The following COL24A1 variants were observed in gnomAD, a reference collection of about 807,000 sequenced individuals.
The protein encoded by COL24A1 is collagen type XXIV alpha 1 chain.
In COL24A1, 224 loss-of-function variants were observed where a neutral mutation model predicts 253.9. The observed-to-expected ratio is 0.88, with a 90% CI of 0.79 to 0.99. The LOEUF (loss-of-function observed/expected upper bound fraction) is 0.99. Among genes scored for constraint, COL24A1 ranks in the 50% least tolerant of loss-of-function variants. The pLI, the probability that COL24A1 is intolerant of heterozygous loss-of-function variation, is 0.00. For synonymous variants in COL24A1, 685 were observed against 673.7 expected (o/e 1.02, Z -0.26); for missense variants, 2,131 against 2,068.5 (o/e 1.03, Z -0.59).
chr1:85,978,645 T>C (rs1571450457), intron 20 of COL24A1, among the ~76,000 whole-genome samples: 1 of 152,180 alleles, frequency 6.6e-6, no homozygotes, highest in East Asian at 1.9e-4. Flanking sequence ...AATGTCACAA[T>C]CCTCAATATA....
Position 85,847,730 on chromosome 1 carries a change from T to C in COL24A1, c.3397A>G (p.Arg1133Gly), listed in dbSNP as rs1377768913. 1.1e-5 allele frequency: 17 copies of C among 1,613,806 alleles called. No homozygotes were observed. The highest frequency in any genetic ancestry group is 1.4e-5 in the Non-Finnish European group (17 of 1,179,860). ...TTCCCAATTTTTCCAGGAGGACCTC[T>C]GCTTCCAACTTCTCCTGTGGGTCCT... Reference protein sequence around the residue: ...QIGPTGEVGSRGPPGKIGKSG... With the variant: ...QIGPTGEVGSGGPPGKIGKSG... The change falls in exon 39 of 60, where the codon AGA (arginine) becomes GGA (glycine). Residue 1133 changes from arginine to glycine, a missense_variant. Transcript: ENST00000370571.
chr1:86,129,449 ATTTT>A (rs950808410), intron 2 of COL24A1, among the ~76,000 whole-genome samples: 2 of 147,358 alleles, frequency 1.4e-5, no homozygotes, highest in African/African-American at 5.0e-5. Flanking sequence ...ATCTCTTCCC[ATTTT>A]TTTTTGTTTT....
Position 85,841,174 on chromosome 1 carries a change from A to G in COL24A1, c.3627+48T>C, listed in dbSNP as rs1676571009. On this transcript the variant is annotated intron_variant, in intron 42 of 59. Coordinates refer to ENST00000370571, the MANE Select transcript of COL24A1 (RefSeq NM_152890.7). The stretch of plus-strand genomic sequence containing the variant: ...ATTGGTGTTGTGAATCTATTATATA[A>G]TTGTGTTTTATCTTGAATAACCAGA... The G allele has an allele frequency of 2.3e-6, 3 of 1,285,722 alleles. No individual in the cohort carries two copies. The South Asian group carries it at 4.0e-5, about 17-fold the overall frequency. 79.6% of individuals were successfully genotyped at this position (1,285,722 alleles called of 1,614,324 possible). A position where few individuals can be genotyped will look rare whatever the true frequency, so the allele number is the denominator to read the frequency against.
At chr1:85,945,318 C>T (rs1172047315) in intron 24 of COL24A1, among the ~76,000 whole-genome samples, 1 of 151,294 alleles carries the variant, frequency 6.6e-6, no homozygotes, top group Non-Finnish European at 1.5e-5. Flanking sequence ...TGCGCCCGGC[C>T]GAGAAGAGAT....
chr1:85,799,210 T>C (rs930212279), intron 47 of COL24A1, among the ~76,000 whole-genome samples: 10 of 30,758 alleles, frequency 3.3e-4, no homozygotes, highest in Non-Finnish European at 6.7e-4. Flanking sequence ...CTTGGCCACA[T>C]AAAAGAAAGA....
intron 24 of COL24A1, among the ~76,000 whole-genome samples, chr1:85,924,744 C>G (rs1686980509): frequency 6.6e-6 from 1 of 152,122 alleles, no homozygotes; most frequent in Non-Finnish European, 1.5e-5. Context: ...TGGAAGCATT[C>G]CCTTTGAAAA....
rs771155425 is a variant in COL24A1, at chr1:85,842,355, T to G, written c.3501A>C (p.Gly1167=). The G allele has an allele frequency of 1.4e-5, 23 of 1,600,950 alleles. No individual in the cohort carries two copies. The South Asian group carries it at 2.1e-4, about 15-fold the overall frequency. ...LGLMGPDGEP[G]IPGYRGHQGQ... ...AAATACTTACCCTGTACCCTGGAAT[T>G]CCTGGTTCTCCATCAGGTCCCATCA... Residue 1167 remains glycine, a synonymous_variant, in exon 40 of 60, where the codon GGA becomes GGC. Transcript: ENST00000370571.
chr1:86,087,613 G>C (rs1344537401), intron 7 of COL24A1, among the ~76,000 whole-genome samples: 1 of 152,140 alleles, frequency 6.6e-6, no homozygotes, highest in Non-Finnish European at 1.5e-5. Flanking sequence ...CTTCTGTCAT[G>C]TACAGTGTCA....
At chr1:85,789,254 C>T (rs1267194538) in intron 47 of COL24A1, among the ~76,000 whole-genome samples, 1 of 152,078 alleles carries the variant, frequency 6.6e-6, no homozygotes, top group African/African-American at 2.4e-5. Flanking sequence ...TTTTGTAGTA[C>T]TGCTTGAAGA....
chr1:85,874,177 T>C (rs1286983878), intron 35 of COL24A1, among the ~76,000 whole-genome samples: 1 of 152,206 alleles, frequency 6.6e-6, no homozygotes, highest in African/African-American at 2.4e-5. Flanking sequence ...TATATTAGCA[T>C]AACGTCTCAA....
At chr1:85,966,167 C>T (rs565849378) in intron 22 of COL24A1, among the ~76,000 whole-genome samples, 41 of 152,076 alleles carry the variant, frequency 2.7e-4, no homozygotes, top group African/African-American at 9.2e-4. Flanking sequence ...GAACTGCTGG[C>T]GGGTCATGTG....
intron 48 of COL24A1, among the ~76,000 whole-genome samples, chr1:85,784,845 C>T (rs1341120861): frequency 1.3e-5 from 2 of 152,128 alleles, no homozygotes; most frequent in African/African-American, 4.8e-5. Flanking sequence ...ATCCTCCCAA[C>T]TCAGTCTCCT....
At chr1:85,954,733 T>C (rs1255969070) in intron 24 of COL24A1, among the ~76,000 whole-genome samples, 1 of 152,146 alleles carries the variant, frequency 6.6e-6, no homozygotes, top group East Asian at 1.9e-4. Flanking sequence ...CTACCCCCTA[T>C]TACATAGAAG....
chr1:85,795,537 C>T (rs763395009), intron 47 of COL24A1, among the ~76,000 whole-genome samples: 10 of 151,956 alleles, frequency 6.6e-5, no homozygotes, highest in Non-Finnish European at 1.5e-4. Context: ...ACAAATATTT[C>T]GAATATCAAT....
In COL24A1 at chr1:86,124,880, A is replaced by G; in HGVS notation, c.1456T>C (p.Tyr486His). 6.3e-7 allele frequency: 1 copy of G among 1,593,120 alleles called. No homozygotes were observed. Residue 486 changes from tyrosine to histidine, a missense_variant, in exon 3 of 60, where the codon TAT becomes CAT. Tyr to His is a moderately conservative substitution (Grantham distance 83). Transcript: ENST00000370571. The stretch of plus-strand genomic sequence containing the variant: ...GTGTCTCCTTTTGGCCCTCTCAGAT[A>G]CTCCATTTCAAGCATTGTATTTAGA... The part of the protein sequence containing the change: ...EDLNTMLEME[Y>H]LRGPKGDTGP...
intron 32 of COL24A1, among the ~76,000 whole-genome samples, chr1:85,888,902 A>T (rs1465145524): frequency 6.6e-6 from 1 of 152,138 alleles, no homozygotes; most frequent in African/African-American, 2.4e-5. Context: ...ACTATATTGT[A>T]TTGTACATCT....
chr1:85,863,097 T>C (rs1679350351), intron 37 of COL24A1, among the ~76,000 whole-genome samples: 1 of 152,236 alleles, frequency 6.6e-6, no homozygotes, highest in African/African-American at 2.4e-5. Context: ...GGGAGTTCAC[T>C]CATGATTTAG....
chr1:85,742,763 C>T (rs988514450), intron 57 of COL24A1, among the ~76,000 whole-genome samples: 11 of 152,232 alleles, frequency 7.2e-5, no homozygotes, highest in Non-Finnish European at 1.6e-4. Flanking sequence ...CACATCCAAT[C>T]TATCAACAAA....
At chr1:85,838,853 T>A (rs1323032091) in intron 42 of COL24A1, among the ~76,000 whole-genome samples, 1 of 152,124 alleles carries the variant, frequency 6.6e-6, no homozygotes. Flanking sequence ...ATAAAGAGAA[T>A]CTCATAATGA....
Sources: allele counts gnomAD v4.1 joint callset (sites outside exome capture counted in the v4.1 genomes callset), GRCh38; gene constraint gnomAD v4.1.1; transcripts MANE v1.5; gene names NCBI Gene and HGNC (gene_info 2026-07-23, HGNC 2026-07-21).